Variants in KLHDC7A observed in about 807,000 individuals in gnomAD.
The protein encoded by KLHDC7A is kelch domain-containing protein 7A.
For synonymous variants in KLHDC7A, 464 were observed against 461.0 expected, an observed-to-expected ratio of 1.01 and a Z score of -0.08; for missense variants, 1,123 against 1,052.6, an observed-to-expected ratio of 1.07 and a Z score of -0.93.
chr1:18,483,506 G>T lies in KLHDC7A; in HGVS notation c.*191G>T. 1.4e-6 allele frequency: 2 copies of T among 1,441,426 alleles called. No homozygotes were observed. Among genetic ancestry groups the T allele is most frequent in the Non-Finnish European group, 1.8e-6 (2 of 1,095,048 alleles). The allele number at this position is 1,441,426 out of a possible 1,614,324, so 89.3% of individuals were successfully genotyped here. ...AGATGAGTCTTACCCTTCATGGGCT[G>T]CAGAGGCCCCACTGCAGAAAAGAGG... On this transcript the variant is annotated 3_prime_UTR_variant, in exon 1 of 1. Coordinates refer to ENST00000400664, the MANE Select transcript of KLHDC7A (RefSeq NM_152375.3).
In KLHDC7A at chr1:18,483,149, A is replaced by G; in HGVS notation, c.2168A>G (p.Asn723Ser). 1 of 1,613,918 alleles carries G rather than the reference A, an allele frequency of 6.2e-7. No individual in the cohort carries two copies. The highest frequency in any genetic ancestry group is 2.2e-5 in the East Asian group (1 of 44,862). Reference sequence around the variant, plus strand: ...GCCTTCCAGTGCGCCGTGGTGGACAACCTCATCTACTGCGTGGGACGCCGG... The same window carrying G: ...GCCTTCCAGTGCGCCGTGGTGGACAGCCTCATCTACTGCGTGGGACGCCGG... ...PDAFQCAVVD[N>S]LIYCVGRRST... Residue 723 changes from asparagine to serine, a missense_variant, in exon 1 of 1, where the codon AAC (asparagine) becomes AGC (serine). Coordinates refer to ENST00000400664, the MANE Select transcript of KLHDC7A (RefSeq NM_152375.3).
rs756120353 is a variant in KLHDC7A at position 18,482,495 on chromosome 1, CCGG to C, written c.1519_1521del (p.Gly507del). The C allele has an allele frequency of 1.2e-6, 2 of 1,611,774 alleles. No individual in the cohort carries two copies. Among genetic ancestry groups the C allele is most frequent in the Admixed American group, 3.3e-5 (2 of 60,028 alleles). ...GCTGACGTGTGCCCCAAGGAAGACTCCGGCGGCCTCTGTTGCTATGACGATGAG... is the reference window on the plus strand; with the variant it reads ...GCTGACGTGTGCCCCAAGGAAGACTCCGGCCTCTGTTGCTATGACGATGAG... On this transcript the variant is annotated inframe_deletion, in exon 1 of 1. Coordinates refer to ENST00000400664, the MANE Select transcript of KLHDC7A (RefSeq NM_152375.3).
At position 18,482,265 on chromosome 1, in the gene KLHDC7A, C is replaced by G; in HGVS notation, c.1284C>G (p.Val428=). Residue 428 remains valine, a synonymous_variant, in exon 1 of 1, where the codon GTC becomes GTG. Transcript: ENST00000400664. Reference sequence around the variant, plus strand: ...TCACCCCTGCTTCAGCCCCACAGGTCCGCCTGGATCTGGGCAATTGCTATG... The same window carrying G: ...TCACCCCTGCTTCAGCCCCACAGGTGCGCCTGGATCTGGGCAATTGCTATG... The part of the protein sequence containing the change: ...IPLTPASAPQ[V]RLDLGNCYEV... 1 of 1,604,688 alleles carries G rather than the reference C, an allele frequency of 6.2e-7. No individual in the cohort carries two copies. Among genetic ancestry groups the G allele is most frequent in the Non-Finnish European group, 8.5e-7 (1 of 1,179,930 alleles).
Position 18,483,271 on chromosome 1 carries a change from G to A in KLHDC7A, c.2290G>A (p.Val764Ile). 6.2e-7 allele frequency: 1 copy of A among 1,613,574 alleles called. No homozygotes were observed. The highest frequency in any genetic ancestry group is 8.5e-7 in the Non-Finnish European group (1 of 1,179,966). The change falls in exon 1 of 1, where the codon GTC becomes ATC. Residue 764 changes from valine (V) to isoleucine (I), a missense_variant. By Grantham distance (29) the Val-to-Ile change is conservative. Coordinates refer to ENST00000400664, the MANE Select transcript of KLHDC7A (RefSeq NM_152375.3). ...CCCGCAGGGCACCCTCCTGCCCACC[G>A]TCCTGACCTTGCCCACCCCCGATTT... ...PAPQGTLLPT[V>I]LTLPTPDLPQ...
In KLHDC7A at chr1:18,482,320, C is replaced by G; in HGVS notation, c.1339C>G (p.Leu447Val). ...EVLTLAKRQN[L>V]EALKEAAYKV... ...GCTGACCTTGGCCAAGAGGCAGAAC[C>G]TGGAGGCCCTGAAAGAGGCGGCCTA... Residue 447 changes from leucine (L) to valine (V), a missense_variant, in exon 1 of 1, where the codon CTG becomes GTG. Physicochemically the swap from Leu to Val is conservative, Grantham distance 32. Coordinates refer to ENST00000400664, the MANE Select transcript of KLHDC7A (RefSeq NM_152375.3). 1 of 1,602,136 alleles carries G rather than the reference C, an allele frequency of 6.2e-7. No individual in the cohort carries two copies. Among genetic ancestry groups the G allele is most frequent in the Non-Finnish European group, 8.5e-7 (1 of 1,179,942 alleles).
rs1274665451 is a variant in KLHDC7A, at chr1:18,481,074, G to A, written c.93G>A (p.Val31=). 1.2e-6 allele frequency: 2 copies of A among 1,613,930 alleles called. No individual in the cohort carries two copies. Among genetic ancestry groups the A allele is most frequent in the Admixed American group, 3.3e-5 (2 of 60,006 alleles). The change falls in exon 1 of 1, where the codon GTG becomes GTA. Residue 31 remains valine (V), a synonymous_variant. Transcript: ENST00000400664. ...VVLSAAALLL[V]TVAYRLYKSR... ...TGTCAGCCGCTGCCCTGCTCCTGGT[G>A]ACTGTGGCCTACAGGCTGTACAAGT...
rs764294147 is a variant in KLHDC7A, at chr1:18,483,173, G to A, written c.2192G>A (p.Arg731Gln). 3.7e-6 allele frequency: 6 copies of A among 1,613,912 alleles called. No individual in the cohort carries two copies. The East Asian group carries it at 8.9e-5, about 24-fold the overall frequency. Residue 731 changes from arginine to glutamine, a missense_variant, in exon 1 of 1, where the codon CGG (arginine) becomes CAG (glutamine). Coordinates refer to ENST00000400664, the MANE Select transcript of KLHDC7A (RefSeq NM_152375.3). Reference sequence around the variant, plus strand: ...AACCTCATCTACTGCGTGGGACGCCGGAGCACCCTCTGCTTCCTAGCAGAC... The same window carrying A: ...AACCTCATCTACTGCGTGGGACGCCAGAGCACCCTCTGCTTCCTAGCAGAC... The part of the protein sequence containing the change: ...VDNLIYCVGR[R>Q]STLCFLADSV...
chr1:18,484,122 G>A lies in KLHDC7A; in HGVS notation c.*807G>A. ...CTCCTCGGCCCTGCCCATGTTAACT[G>A]ACCATTGCACTCATTCTCAGATCTG... On this transcript the variant is annotated 3_prime_UTR_variant, in exon 1 of 1. Coordinates refer to ENST00000400664, the MANE Select transcript of KLHDC7A (RefSeq NM_152375.3). The A allele has an allele frequency of 1.0e-6, 1 of 975,824 alleles. No homozygotes were observed. The highest frequency in any genetic ancestry group is 1.4e-6 in the Non-Finnish European group (1 of 689,942). The allele number at this position is 975,824 out of a possible 1,614,324, so 60.4% of individuals were successfully genotyped here. A position where few individuals can be genotyped will look rare whatever the true frequency, so the allele number is the denominator to read the frequency against.
Position 18,482,257 on chromosome 1 carries a change from C to T in KLHDC7A, c.1276C>T (p.Pro426Ser). The part of the protein sequence containing the change: ...FHIPLTPASA[P>S]QVRLDLGNCY... ...TATCCCGCTCACCCCTGCTTCAGCC[C>T]CACAGGTCCGCCTGGATCTGGGCAA... Residue 426 changes from proline to serine, a missense_variant, in exon 1 of 1, where the codon CCA becomes TCA. By Grantham distance (74) the Pro-to-Ser change is moderately conservative. Coordinates refer to ENST00000400664, the MANE Select transcript of KLHDC7A (RefSeq NM_152375.3). The T allele has an allele frequency of 1.2e-6, 2 of 1,605,480 alleles. No homozygotes were observed. The highest frequency in any genetic ancestry group is 1.7e-6 in the Non-Finnish European group (2 of 1,179,918).
At position 18,482,097 on chromosome 1, in the gene KLHDC7A, C is replaced by T; in HGVS notation, c.1116C>T (p.Asn372=). Residue 372 remains asparagine (N), a synonymous_variant, in exon 1 of 1, where the codon AAC becomes AAT. Transcript: ENST00000400664. ...RKESLLQIAE[N]PELQLQPDGF... ...AGAGCCTTCTGCAGATAGCGGAGAA[C>T]CCAGAGCTGCAGCTGCAGCCAGATG... 1 of 1,612,210 alleles carries T rather than the reference C, an allele frequency of 6.2e-7. No homozygotes were observed. Among genetic ancestry groups the T allele is most frequent in the Non-Finnish European group, 8.5e-7 (1 of 1,179,470 alleles).
chr1:18,481,957 C>T lies in KLHDC7A; in HGVS notation c.976C>T (p.Leu326=). The change falls in exon 1 of 1, where the codon CTG becomes TTG. Residue 326 remains leucine, a synonymous_variant. Transcript: ENST00000400664. ...ATCCCCTAGGCCACCGCCAGGGTCCCTGGGAACAGGGGCTGCCTCGGGAGG... is the reference window on the plus strand; with the variant it reads ...ATCCCCTAGGCCACCGCCAGGGTCCTTGGGAACAGGGGCTGCCTCGGGAGG... ...VPSPRPPPGS[L]GTGAASGGQA... 2.5e-6 allele frequency: 4 copies of T among 1,613,178 alleles called. No individual in the cohort carries two copies. In the East Asian group the frequency reaches 8.9e-5, roughly 36 times the overall value.
chr1:18,483,538 A>G lies in KLHDC7A; in HGVS notation c.*223A>G, dbSNP rs2086914557. The G allele has an allele frequency of 7.0e-7, 1 of 1,427,480 alleles. No individual in the cohort carries two copies. The highest frequency in any genetic ancestry group is 9.2e-7 in the Non-Finnish European group (1 of 1,086,916). The allele number at this position is 1,427,480 out of a possible 1,614,324, so 88.4% of individuals were successfully genotyped here. ...CCCCACTGCAGAAAAGAGGACCAGGAGCTGGTGTTCCAAGGCAGAAGGCAT... is the reference window on the plus strand; with the variant it reads ...CCCCACTGCAGAAAAGAGGACCAGGGGCTGGTGTTCCAAGGCAGAAGGCAT... On this transcript the variant is annotated 3_prime_UTR_variant, in exon 1 of 1. Transcript: ENST00000400664.
Position 18,482,464 on chromosome 1 carries a change from G to T in KLHDC7A, c.1483G>T (p.Val495Leu), listed in dbSNP as rs768675742. 16 of 1,611,074 alleles carry T rather than the reference G, an allele frequency of 9.9e-6. No homozygotes were observed. The highest frequency in any genetic ancestry group is 1.6e-4 in the Middle Eastern group (1 of 6,082). The change falls in exon 1 of 1, where the codon GTG becomes TTG. Residue 495 changes from valine to leucine, a missense_variant. Transcript: ENST00000400664. ...CCGGCTCCGGGGCCGCCAGTACCTG[G>T]TGGTGGCTGACGTGTGCCCCAAGGA... ...QRRLRGRQYL[V>L]VADVCPKEDS... is the part of the protein sequence containing the mutation.
chr1:18,482,016 A>C lies in KLHDC7A; in HGVS notation c.1035A>C (p.Arg345Ser), dbSNP rs745960344. Residue 345 changes from arginine (R) to serine (S), a missense_variant, in exon 1 of 1, where the codon AGA becomes AGC. Coordinates refer to ENST00000400664, the MANE Select transcript of KLHDC7A (RefSeq NM_152375.3). ...GTGACACAAAGGGTGCAGCCGAAAG[A>C]GCCGCCTCCCCGCAGACAGGGCCGT... ...QAGDTKGAAERAASPQTGPWP... is the reference protein window; with the variant it reads ...QAGDTKGAAESAASPQTGPWP... 1.2e-6 allele frequency: 2 copies of C among 1,612,700 alleles called. No individual in the cohort carries two copies. Among genetic ancestry groups the C allele is most frequent in the African/African-American group, 2.7e-5 (2 of 74,934 alleles).
Position 18,482,935 on chromosome 1 carries a change from G to A in KLHDC7A, c.1954G>A (p.Ala652Thr). Residue 652 changes from alanine to threonine, a missense_variant, in exon 1 of 1, where the codon GCG becomes ACG. Ala to Thr is a moderately conservative substitution (Grantham distance 58, BLOSUM62 0). Coordinates refer to ENST00000400664, the MANE Select transcript of KLHDC7A (RefSeq NM_152375.3). ...SLRFLLFRFS[A>T]QEQRWWAGPT... ...GCGCTTCCTGCTGTTCCGCTTCTCT[G>A]CGCAGGAGCAGCGCTGGTGGGCCGG... The A allele has an allele frequency of 2.5e-6, 4 of 1,611,652 alleles. No individual in the cohort carries two copies. Among genetic ancestry groups the A allele is most frequent in the Non-Finnish European group, 3.4e-6 (4 of 1,179,592 alleles).
chr1:18,483,023 G>A lies in KLHDC7A; in HGVS notation c.2042G>A (p.Arg681His), dbSNP rs1282176384. The change falls in exon 1 of 1, where the codon CGC becomes CAC. Residue 681 changes from arginine (R) to histidine (H), a missense_variant. Arg to His is a conservative substitution (Grantham distance 29, BLOSUM62 0). Transcript: ENST00000400664. ...EMVAVNGFLY[R>H]FDLNRSLGIA... ...GTGGCGGTCAACGGCTTTCTCTACC[G>A]CTTTGACCTCAACCGCAGCCTGGGC... 2 of 1,613,336 alleles carry A rather than the reference G, an allele frequency of 1.2e-6. No homozygotes were observed. Among genetic ancestry groups the A allele is most frequent in the Non-Finnish European group, 1.7e-6 (2 of 1,179,946 alleles).
In KLHDC7A at chr1:18,482,446, C is replaced by G; in HGVS notation, c.1465C>G (p.Arg489Gly). Residue 489 changes from arginine to glycine, a missense_variant, in exon 1 of 1, where the codon CGG becomes GGG. By Grantham distance (125) the Arg-to-Gly change is moderately radical. Transcript: ENST00000400664. ...ERELILQRRL[R>G]GRQYLVVADV... The stretch of plus-strand genomic sequence containing the variant: ...CGAGCTGATCCTGCAGCGCCGGCTC[C>G]GGGGCCGCCAGTACCTGGTGGTGGC... 1 of 1,610,216 alleles carries G rather than the reference C, an allele frequency of 6.2e-7. No homozygotes were observed. Among genetic ancestry groups the G allele is most frequent in the Non-Finnish European group, 8.5e-7 (1 of 1,179,818 alleles).
rs200708914 is a variant in KLHDC7A, at chr1:18,483,375, G to A, written c.*60G>A. The stretch of plus-strand genomic sequence containing the variant: ...GGGCCACCGGGCTCCACTGCCAGCC[G>A]TCCCTCTGGGGGCCATTTCTAGGCA... On this transcript the variant is annotated 3_prime_UTR_variant, in exon 1 of 1. Transcript: ENST00000400664. 1.6e-5 allele frequency: 25 copies of A among 1,568,072 alleles called. No homozygotes were observed. The highest frequency in any genetic ancestry group is 4.5e-5 in the East Asian group (2 of 44,432).
At position 18,483,321 on chromosome 1, in the gene KLHDC7A, C is replaced by T. The variant is rs772055383; in HGVS notation, c.*6C>T. ...TGCCTCAGACCAGGGTCTAGCAGTC[C>T]CTCAACTGAGCTCCTCATGCAAAGC... On this transcript the variant is annotated 3_prime_UTR_variant, in exon 1 of 1. Coordinates refer to ENST00000400664, the MANE Select transcript of KLHDC7A (RefSeq NM_152375.3). 1 of 1,607,772 alleles carries T rather than the reference C, an allele frequency of 6.2e-7. No homozygotes were observed. Among genetic ancestry groups the T allele is most frequent in the South Asian group, 1.1e-5 (1 of 90,662 alleles).
Sources: gnomAD v4.1 joint callset for allele counts on GRCh38, gnomAD v4.1.1 for gene constraint, MANE v1.5 for transcripts, NCBI Gene and HGNC (gene_info 2026-07-23, HGNC 2026-07-21) for gene names.